The following DDX20 variants were observed in gnomAD, a reference collection of about 807,000 sequenced individuals.
The protein encoded by DDX20 is DEAD-box helicase 20.
DDX20 carries 61 observed loss-of-function variants against 76.4 expected under a neutral mutation model. The ratio of observed to expected loss-of-function variants is 0.80; its 90% CI spans 0.65 to 0.99. The LOEUF is 0.99. Among genes scored for constraint, DDX20 ranks in the 50% least tolerant of loss-of-function variants. The probability of loss-of-function intolerance (pLI) is 0.00; values close to 1 mark genes in which losing one functional copy is unlikely to be tolerated. For synonymous variants in DDX20, 357 were observed against 357.4 expected (o/e 1.00, Z 0.01); for missense variants, 976 against 996.8 (o/e 0.98, Z 0.28).
At chr1:111,759,729 C>T (rs1663631554) in intron 3 of DDX20, among the ~76,000 whole-genome samples, 161 bp downstream of exon 3, 1 of 151,990 alleles carries the variant, frequency 6.6e-6, no homozygotes, top group Admixed American at 6.5e-5. Flanking sequence ...AATCCCAGCA[C>T]TTTGGGAGGC....
At chr1:111,759,253 CA>C in intron 2 of DDX20, 146 bp from the exon 3 acceptor site, 1 of 634,030 alleles carries the variant, frequency 1.6e-6, no homozygotes, top group Non-Finnish European at 2.4e-6. Context: ...CTGTGGATAC[CA>C]AGGGATAACT....
rs754763049 is a variant in DDX20 at position 111,765,862 on chromosome 1, G to T, written c.1438G>T (p.Glu480Ter). The T allele has an allele frequency of 1.9e-6, 3 of 1,614,016 alleles. No homozygotes were observed. The highest frequency in any genetic ancestry group is 2.5e-6 in the Non-Finnish European group (3 of 1,179,902). ...QPLKKQIQKI[E>*]RTLQIQKAHG... is the part of the protein sequence containing the mutation. ...CTTAAAAAAGCAAATTCAGAAAATA[G>T]AGAGAACCCTTCAAATTCAGAAAGC... The change falls in exon 11 of 11, where the codon GAG becomes TAG. Residue 480 changes from glutamate (E) to a stop codon, truncating the protein, a stop_gained. Transcript: ENST00000369702. LOFTEE classifies it high-confidence loss of function.
Position 111,756,810 on chromosome 1 carries a change from G to A in DDX20, c.396+70G>A, listed in dbSNP as rs555231757. 2,531 of 1,264,614 alleles carry A rather than the reference G, an allele frequency of 2.0e-3. 7 individuals are homozygous for A. The highest frequency in any genetic ancestry group is 2.5e-3 in the Non-Finnish European group (2,208 of 866,304). The allele number at this position is 1,264,614 out of a possible 1,614,324, so 78.3% of individuals were successfully genotyped here. On this transcript the variant is annotated intron_variant, in intron 2 of 10. Coordinates refer to ENST00000369702, the MANE Select transcript of DDX20 (RefSeq NM_007204.5). ...TTACCACAGGTCAGATGAAATACCAGTAGCTCCTCAGAGCTGGAAGTGAAT... is the reference window on the plus strand; with the variant it reads ...TTACCACAGGTCAGATGAAATACCAATAGCTCCTCAGAGCTGGAAGTGAAT...
chr1:111,760,926 TG>T (rs1313772849), intron 5 of DDX20, 60 bp from the exon 6 acceptor site: 1 of 1,597,644 alleles, frequency 6.3e-7, no homozygotes, highest in Admixed American at 1.7e-5. Flanking sequence ...AGTTTTGTCT[TG>T]CTGTTTCATG....
rs1391160159 is a variant in DDX20, at chr1:111,755,967, G to A, written c.43G>A (p.Ala15Thr). ...FEASGALAAV[A>T]TAMPAEHVAV... Reference sequence around the variant, plus strand: ...AGCCTCGGGAGCCTTAGCAGCAGTGGCGACTGCTATGCCGGCTGAGCATGT... The same window carrying A: ...AGCCTCGGGAGCCTTAGCAGCAGTGACGACTGCTATGCCGGCTGAGCATGT... The change falls in exon 1 of 11, where the codon GCG becomes ACG. Residue 15 changes from alanine to threonine, a missense_variant. Physicochemically the swap from Ala to Thr is moderately conservative, Grantham distance 58. This residue lies in a region of DDX20 where 343 missense variants were observed against 286.4 expected (regional missense o/e 1.20). Transcript: ENST00000369702. 4 of 1,596,016 alleles carry A rather than the reference G, an allele frequency of 2.5e-6. No individual in the cohort carries two copies. The highest frequency in any genetic ancestry group is 1.1e-5 in the South Asian group (1 of 90,008).
In DDX20 at chr1:111,766,103, G is replaced by T; in HGVS notation, c.1679G>T (p.Ser560Ile). 6.2e-7 allele frequency: 1 copy of T among 1,614,188 alleles called. No individual in the cohort carries two copies. The change falls in exon 11 of 11, where the codon AGT becomes ATT. Residue 560 changes from serine to isoleucine, a missense_variant. By Grantham distance (142) the Ser-to-Ile change is moderately radical. This residue lies in a region of DDX20 where 630 missense variants were observed against 693.7 expected (regional missense o/e 0.91). Transcript: ENST00000369702. ...VQTPVENSTN[S>I]QHQVKEALPV... ...ACTCCCGTTGAAAACTCCACCAACA[G>T]TCAGCACCAGGTCAAAGAAGCTTTA...
chr1:111,766,954 A>G lies in DDX20; in HGVS notation c.*55A>G. 1 of 1,401,568 alleles carries G rather than the reference A, an allele frequency of 7.1e-7. No homozygotes were observed. Among genetic ancestry groups the G allele is most frequent in the Non-Finnish European group, 9.9e-7 (1 of 1,015,174 alleles). The allele number at this position is 1,401,568 out of a possible 1,614,324, so 86.8% of individuals were successfully genotyped here. On this transcript the variant is annotated 3_prime_UTR_variant, in exon 11 of 11. Coordinates refer to ENST00000369702, the MANE Select transcript of DDX20 (RefSeq NM_007204.5). ...CTGTCAACAAATGATACCTTTGGAT[A>G]TCCATCCTCCTCGACTTATAGTACA...
At position 111,756,629 on chromosome 1, in the gene DDX20, G is replaced by GT; in HGVS notation, c.302-10dup. On this transcript the variant is annotated splice_polypyrimidine_tract_variant and intron_variant, in intron 1 of 10. Coordinates refer to ENST00000369702, the MANE Select transcript of DDX20 (RefSeq NM_007204.5). ...CAGTGAGTACTGGCTAGTGATAATT[G>GT]TTTTTTTCCTTCGCAGATTTAATTG... 3.1e-6 allele frequency: 5 copies of GT among 1,612,018 alleles called. No individual in the cohort carries two copies. The highest frequency in any genetic ancestry group is 4.2e-6 in the Non-Finnish European group (5 of 1,178,274).
chr1:111,764,652 T>G (rs557802316), intron 10 of DDX20, among the ~76,000 whole-genome samples: 1 of 152,288 alleles, frequency 6.6e-6, no homozygotes, highest in East Asian at 1.9e-4. Context: ...GGTTAAGACT[T>G]CTTGTAGGAT....
chr1:111,767,497 G>A lies in DDX20; in HGVS notation c.*598G>A, dbSNP rs372947979. On this transcript the variant is annotated 3_prime_UTR_variant, in exon 11 of 11. Coordinates refer to ENST00000369702, the MANE Select transcript of DDX20 (RefSeq NM_007204.5). ...CAAATTTAAATATATTTACATGTTT[G>A]TTGTTTATCTTTTGAATGTCTTTTG... The A allele has an allele frequency of 6.6e-6, 1 of 152,208 alleles. No homozygotes were observed. Among genetic ancestry groups the A allele is most frequent in the Non-Finnish European group, 1.5e-5 (1 of 68,060 alleles). 9.4% of individuals were successfully genotyped at this position (152,208 alleles called of 1,614,324 possible).
intron 7 of DDX20, chr1:111,761,751 AAG>A (rs1163591356): frequency 5.2e-5 from 8 of 154,834 alleles, no homozygotes; most frequent in African/African-American, 1.9e-4. Context: ...ATAAGAATGA[AAG>A]AGTCGAAGGA....
rs767587043 is a variant in DDX20 at position 111,766,782 on chromosome 1, ATAT to A, written c.2362_2364del (p.Tyr788del). On this transcript the variant is annotated inframe_deletion, in exon 11 of 11. Transcript: ENST00000369702. ...GAGCTTACTACAGGGCATGGCAAGA[ATAT>A]TATGCTGCCGCTTCTCATTCATATT... 2.5e-6 allele frequency: 4 copies of A among 1,614,080 alleles called. No individual in the cohort carries two copies. Among genetic ancestry groups the A allele is most frequent in the Admixed American group, 1.7e-5 (1 of 60,002 alleles).
chr1:111,756,160 C>CGGCCGGCTTCGAGA lies in DDX20; in HGVS notation c.241_254dup (p.Ser86AlafsTer22), dbSNP rs1553233585. 1.3e-6 allele frequency: 2 copies of CGGCCGGCTTCGAGA among 1,550,866 alleles called. No individual in the cohort carries two copies. The highest frequency in any genetic ancestry group is 1.7e-6 in the Non-Finnish European group (2 of 1,156,308). On this transcript the variant is annotated frameshift_variant, in exon 1 of 11. Transcript: ENST00000369702. LOFTEE classifies it high-confidence loss of function. ...CGGCCGGTGCTGGAGGGGCTGCGGG[C>CGGCCGGCTTCGAGA]GGCCGGCTTCGAGAGGCCCTCGCCG...
Position 111,766,749 on chromosome 1 carries a change from G to C in DDX20, c.2325G>C (p.Glu775Asp), listed in dbSNP as rs1663791318. Residue 775 changes from glutamate (E) to aspartate (D), a missense_variant, in exon 11 of 11, where the codon GAG (glutamate) becomes GAC (aspartate). Transcript: ENST00000369702. ...CTGATACCTATCAGGATTATGAGGA[G>C]TACTGGAGAGCTTACTACAGGGCAT... ...SFSDTYQDYEEYWRAYYRAWQ... is the reference protein window; with the variant it reads ...SFSDTYQDYEDYWRAYYRAWQ... The C allele has an allele frequency of 6.2e-7, 1 of 1,614,176 alleles. No homozygotes were observed. Among genetic ancestry groups the C allele is most frequent in the Non-Finnish European group, 8.5e-7 (1 of 1,180,006 alleles).
rs564856570 is a variant in DDX20, at chr1:111,758,933, G to A, written c.397-467G>A. On this transcript the variant is annotated intron_variant, in intron 2 of 10. Transcript: ENST00000369702. ...ATATTTGTTGAATGAATGAATGAAT[G>A]AATGGAATACAGTCAGCCCTCCCTG... 4.6e-5 allele frequency among the ~76,000 whole-genome samples: 7 copies of A among 152,316 alleles called. No homozygotes were observed. In the East Asian group the frequency reaches 1.3e-3, roughly 29 times the overall value.
At chr1:111,762,576 C>A in intron 8 of DDX20, 101 bp from the exon 9 acceptor site, 2 of 1,081,066 alleles carry the variant, frequency 1.9e-6, no homozygotes, top group Non-Finnish European at 2.7e-6. Flanking sequence ...GTATTCAGTT[C>A]TTAATTTGTC....
chr1:111,758,782 A>G (rs986739181), intron 2 of DDX20, among the ~76,000 whole-genome samples: 1 of 151,948 alleles, frequency 6.6e-6, no homozygotes, highest in Non-Finnish European at 1.5e-5. Flanking sequence ...GTCATTACTT[A>G]TTTTTGTTTA....
chr1:111,767,132 A>G lies in DDX20; in HGVS notation c.*233A>G, dbSNP rs1663801011. ...AAACTTCATCAGATTGTTGAAAGATAATTTTTGGGACATAGAGCTGAAAGT... is the reference window on the plus strand; with the variant it reads ...AAACTTCATCAGATTGTTGAAAGATGATTTTTGGGACATAGAGCTGAAAGT... On this transcript the variant is annotated 3_prime_UTR_variant, in exon 11 of 11. Coordinates refer to ENST00000369702, the MANE Select transcript of DDX20 (RefSeq NM_007204.5). 7 of 349,044 alleles carry G rather than the reference A, an allele frequency of 2.0e-5. No homozygotes were observed. The highest frequency in any genetic ancestry group is 2.1e-5 in the Non-Finnish European group (4 of 192,628). 21.6% of individuals were successfully genotyped at this position (349,044 alleles called of 1,614,324 possible). A position where few individuals can be genotyped will look rare whatever the true frequency, so the allele number is the denominator to read the frequency against.
intron 1 of DDX20, 41 bp downstream of exon 1, chr1:111,756,266 G>GGGGGTTC: frequency 1.2e-6 from 1 of 842,538 alleles, no homozygotes; most frequent in Non-Finnish European, 1.7e-6. Context: ...GGTGGGGTGG[G>GGGGGTTC]AGAAGGGGGA....
Sources: allele counts gnomAD v4.1 joint callset (sites outside exome capture counted in the v4.1 genomes callset), GRCh38; gene constraint gnomAD v4.1.1; regional missense constraint gnomAD v4.1.1; transcripts MANE v1.5; gene names NCBI Gene and HGNC (gene_info 2026-07-23, HGNC 2026-07-21).